FCHO2: variants seen among roughly 807,000 people sequenced by gnomAD.
The protein encoded by FCHO2 is FCH and mu domain containing endocytic adaptor 2.
A neutral mutation model predicts 114.1 loss-of-function variants in FCHO2; 43 were observed. The observed-to-expected ratio is 0.38, with a 90% CI of 0.30 to 0.49. The LOEUF (loss-of-function observed/expected upper bound fraction) is 0.49, where lower values mean the gene tolerates loss of function less well. FCHO2 is among the 20% of genes least tolerant of loss of function. The probability of loss-of-function intolerance (pLI) is 0.97; values close to 1 mark genes in which losing one functional copy is unlikely to be tolerated. For missense variants in FCHO2, 807 were observed against 950.4 expected, an observed-to-expected ratio of 0.85 and a Z score of 1.98; for synonymous variants, 293 against 315.2, an observed-to-expected ratio of 0.93 and a Z score of 0.75.
intron 5 of FCHO2, chr5:72,996,939 TGCTGGGGCTGC>T (rs1162313015): frequency 6.2e-7 from 1 of 1,604,288 alleles, no homozygotes; most frequent in Non-Finnish European, 8.5e-7. Flanking sequence ...ACGCAGTGTC[TGCTGGGGCTGC>T]GCACGTTCGT....
intron 1 of FCHO2, 148 bp from the exon 2 acceptor site, chr5:72,968,350 C>G: frequency 2.0e-6 from 1 of 507,216 alleles, no homozygotes; most frequent in Middle Eastern, 4.6e-4. Flanking sequence ...TTGCTTTATA[C>G]TGTTTAAAAT....
At chr5:73,033,765 A>C (rs1319059555) in intron 8 of FCHO2, among the ~76,000 whole-genome samples, 3 of 152,182 alleles carry the variant, frequency 2.0e-5, no homozygotes, top group Admixed American at 6.5e-5. Flanking sequence ...TTTCATTAGG[A>C]GAGTAATTCA....
intron 2 of FCHO2, among the ~76,000 whole-genome samples, chr5:72,969,259 A>G (rs1752378324): frequency 6.6e-6 from 1 of 152,180 alleles, no homozygotes; most frequent in Non-Finnish European, 1.5e-5. Context: ...CCATTTATTC[A>G]TGTATTCTTT....
intron 2 of FCHO2, among the ~76,000 whole-genome samples, chr5:72,987,483 A>G (rs1753595100): frequency 6.6e-6 from 1 of 151,956 alleles, no homozygotes; most frequent in Admixed American, 6.5e-5. Context: ...GATTACAGGC[A>G]CCCACCACCA....
rs559075223 is a variant in FCHO2 at position 73,040,892 on chromosome 5, A to AT, written c.915-392dup. 6.1e-3 allele frequency among the ~76,000 whole-genome samples: 930 copies of AT among 152,158 alleles called. 14 individuals carry two copies. Among genetic ancestry groups the AT allele is most frequent in the African/African-American group, 0.021 (886 of 41,512 alleles). On this transcript the variant is annotated intron_variant, in intron 10 of 25. Transcript: ENST00000430046. ...AAGTCAAGCTTTCTTCTTTAAGGAC[A>AT]TTTTTTTAACTTGCTTTACTTGAAT...
intron 16 of FCHO2, 140 bp from the exon 17 acceptor site, chr5:73,058,293 G>A: frequency 2.0e-6 from 1 of 509,156 alleles, no homozygotes; most frequent in East Asian, 3.2e-5. Context: ...TTACAGGTGT[G>A]AGCCATGGTG....
intron 5 of FCHO2, chr5:72,997,643 T>G: frequency 6.7e-7 from 1 of 1,486,638 alleles, no homozygotes; most frequent in South Asian, 1.1e-5. Context: ...TAGGTTCTGG[T>G]GACAGCTGCT....
In FCHO2 at chr5:73,089,792, C is replaced by T. The variant is rs1055017877; in HGVS notation, c.*1702C>T. 1 of 152,496 alleles carries T rather than the reference C, an allele frequency of 6.6e-6. No individual in the cohort carries two copies. Among genetic ancestry groups the T allele is most frequent in the African/African-American group, 2.4e-5 (1 of 41,432 alleles). The allele number at this position is 152,496 out of a possible 1,614,324, so 9.4% of individuals were successfully genotyped here. On this transcript the variant is annotated 3_prime_UTR_variant, in exon 26 of 26. Transcript: ENST00000430046. ...TACTAAATACAGCAGAAAATCTACT[C>T]TTTAGCAATATATAACACAGTATAT...
intron 21 of FCHO2, among the ~76,000 whole-genome samples, chr5:73,077,729 A>C (rs1318273193): frequency 6.6e-6 from 1 of 152,146 alleles, no homozygotes; most frequent in Non-Finnish European, 1.5e-5. Context: ...GCGTTCCTGT[A>C]GTCCCAGCTA....
rs756981065 is a variant in FCHO2, at chr5:73,088,094, A to T, written c.*4A>T. 1.2e-6 allele frequency: 2 copies of T among 1,613,378 alleles called. No homozygotes were observed. The highest frequency in any genetic ancestry group is 2.2e-5 in the South Asian group (2 of 90,890). On this transcript the variant is annotated 3_prime_UTR_variant, in exon 26 of 26. Coordinates refer to ENST00000430046, the MANE Select transcript of FCHO2 (RefSeq NM_138782.3). ...ACGATACCTGGCGGATTGTTGATGG[A>T]CCTGGGAAAGTGATGTGGCTTCAGG... is the stretch of plus-strand genomic sequence containing the variant.
chr5:72,990,985 C>T, intron 5 of FCHO2, 121 bp downstream of exon 5: 1 of 1,131,302 alleles, frequency 8.8e-7, no homozygotes, highest in Non-Finnish European at 1.2e-6. Context: ...CTGTGCCTTA[C>T]AGTCCTAGTG....
intron 1 of FCHO2, among the ~76,000 whole-genome samples, chr5:72,956,632 G>T (rs1054691884): frequency 6.6e-6 from 1 of 152,200 alleles, no homozygotes; most frequent in African/African-American, 2.4e-5. Context: ...CCAGTGCGGG[G>T]TTGGGCTGGA....
At chr5:73,077,212 A>G in intron 20 of FCHO2, 126 bp from the exon 21 acceptor site, 2 of 630,886 alleles carry the variant, frequency 3.2e-6, no homozygotes, top group Non-Finnish European at 4.9e-6. Context: ...GATAAAGGAT[A>G]TAGATATACA....
At chr5:73,059,399 C>A (rs1479361737) in intron 17 of FCHO2, among the ~76,000 whole-genome samples, 1 of 151,978 alleles carries the variant, frequency 6.6e-6, no homozygotes, top group Non-Finnish European at 1.5e-5. Context: ...AAGTAAAGCT[C>A]AGAGATAATA....
intron 17 of FCHO2, among the ~76,000 whole-genome samples, chr5:73,062,243 T>C (rs1757889149): frequency 6.6e-6 from 1 of 152,120 alleles, no homozygotes; most frequent in Non-Finnish European, 1.5e-5. Flanking sequence ...TATGCAGATA[T>C]AATATAGATT....
At chr5:72,979,247 GT>G (rs1753046259) in intron 2 of FCHO2, among the ~76,000 whole-genome samples, 1 of 151,932 alleles carries the variant, frequency 6.6e-6, no homozygotes, top group Non-Finnish European at 1.5e-5. Flanking sequence ...GTCCTGAGCT[GT>G]TTTTGGTTGG....
chr5:73,077,569 C>A (rs1402541156), intron 21 of FCHO2, 76 bp downstream of exon 21: 51 of 1,428,098 alleles, frequency 3.6e-5, no homozygotes, highest in Non-Finnish European at 4.4e-5. Flanking sequence ...GTGGCTCACG[C>A]CTGTAATCCC....
At chr5:72,972,842 C>A (rs531138476) in intron 2 of FCHO2, among the ~76,000 whole-genome samples, 3 of 152,108 alleles carry the variant, frequency 2.0e-5, no homozygotes, top group African/African-American at 7.2e-5. Context: ...GTGGGTTTGT[C>A]ATAGATAGCT....
chr5:73,060,173 G>A (rs1029376845), intron 17 of FCHO2, among the ~76,000 whole-genome samples: 8 of 151,904 alleles, frequency 5.3e-5, no homozygotes, highest in African/African-American at 7.2e-5. Context: ...AAAATGGTTC[G>A]TTTTCATTTA....
Sources: allele counts gnomAD v4.1 joint callset (sites outside exome capture counted in the v4.1 genomes callset), GRCh38; gene constraint gnomAD v4.1.1; transcripts MANE v1.5; gene names NCBI Gene and HGNC (gene_info 2026-07-23, HGNC 2026-07-21).